Variants in PDZRN3 observed in about 807,000 individuals in gnomAD.
The protein encoded by PDZRN3 is PDZ domain containing ring finger 3.
In PDZRN3, 38 loss-of-function variants were observed where a neutral mutation model predicts 85.7. The ratio of observed to expected loss-of-function variants is 0.44; its 90% CI spans 0.34 to 0.58. PDZRN3 has a LOEUF of 0.58. PDZRN3 is among the 20% of genes least tolerant of loss of function. PDZRN3 has a pLI of 0.01. For synonymous variants in PDZRN3, 759 were observed against 638.0 expected, an observed-to-expected ratio of 1.19 and a Z score of -2.86; for missense variants, 1,629 against 1,506.4, an observed-to-expected ratio of 1.08 and a Z score of -1.35.
At chr3:73,408,079 G>A in intron 3 of PDZRN3, 1 of 682,514 alleles carries the variant, frequency 1.5e-6, no homozygotes, top group South Asian at 1.6e-5. Context: ...AATTTTAGTA[G>A]CCCATGCAGT....
intron 3 of PDZRN3, among the ~76,000 whole-genome samples, chr3:73,551,688 CAA>C (rs71126878): frequency 0.42 from 44,244 of 104,230 alleles, 7,445 homozygotes; most frequent in East Asian, 0.55. Context: ...GACCCTGTTT[CAA>C]AAAAAAAAAA....
intron 3 of PDZRN3, among the ~76,000 whole-genome samples, chr3:73,599,745 A>C: frequency 6.6e-6 from 1 of 152,336 alleles, no homozygotes; most frequent in Non-Finnish European, 1.5e-5. Context: ...CCTGTACGGC[A>C]AGGCCATTCA....
Position 73,468,018 on chromosome 3 carries a change from T to C in PDZRN3, c.919-63623A>G, listed in dbSNP as rs138108098. 3.1e-3 allele frequency among the ~76,000 whole-genome samples: 470 copies of C among 152,156 alleles called. 1 individual carries two copies. The highest frequency in any genetic ancestry group is 0.011 in the African/African-American group (455 of 41,510). On this transcript the variant is annotated intron_variant, in intron 3 of 9. Coordinates refer to ENST00000263666, the MANE Select transcript of PDZRN3 (RefSeq NM_015009.3). ...TTGCAAGATGAGAAAATCCTGGAGA[T>C]TGGTCACACAACAATGCAAATATAT...
At chr3:73,456,342 C>T (rs1702977399) in intron 3 of PDZRN3, among the ~76,000 whole-genome samples, 1 of 152,182 alleles carries the variant, frequency 6.6e-6, no homozygotes, top group Non-Finnish European at 1.5e-5. Context: ...ATCACAGGAG[C>T]TTTCATTTTA....
chr3:73,433,604 T>C (rs757725399), intron 3 of PDZRN3: 1 of 1,397,816 alleles, frequency 7.2e-7, no homozygotes, highest in South Asian at 1.2e-5. Flanking sequence ...GGTGGGTGCC[T>C]ATGCACTTCT....
rs1703283968 is a variant in PDZRN3 at position 73,383,172 on chromosome 3, TAGTA to T, written c.*189_*192del. The stretch of plus-strand genomic sequence containing the variant: ...TGTTTGTTAATATTGCCTTCCAAGA[TAGTA>T]AGGGTGTTTTTCTCTCTCTTCCCTT... On this transcript the variant is annotated 3_prime_UTR_variant, in exon 10 of 10. Transcript: ENST00000263666. The T allele has an allele frequency of 1.9e-6, 1 of 531,412 alleles. No homozygotes were observed. The highest frequency in any genetic ancestry group is 1.9e-5 in the African/African-American group (1 of 52,548). The allele number at this position is 531,412 out of a possible 1,614,324, so 32.9% of individuals were successfully genotyped here. A position where few individuals can be genotyped will look rare whatever the true frequency, so the allele number is the denominator to read the frequency against.
chr3:73,597,562 A>G (rs1226977623), intron 3 of PDZRN3, among the ~76,000 whole-genome samples: 3 of 152,080 alleles, frequency 2.0e-5, no homozygotes. Context: ...CAATCACTAC[A>G]CAGACTCATT....
At chr3:73,453,424 C>CAAAAA (rs372949149) in intron 3 of PDZRN3, among the ~76,000 whole-genome samples, 1 of 96,836 alleles carries the variant, frequency 1.0e-5, no homozygotes, top group African/African-American at 4.6e-5. Flanking sequence ...AAAAAAAAAA[C>CAAAAA]AAAAAAAAAA....
chr3:73,445,017 C>G (rs958194364), intron 3 of PDZRN3, among the ~76,000 whole-genome samples: 2 of 152,082 alleles, frequency 1.3e-5, no homozygotes, highest in African/African-American at 4.8e-5. Flanking sequence ...GGTGAAGAGG[C>G]CTGTGACTGG....
At chr3:73,559,800 T>G (rs1701778091) in intron 3 of PDZRN3, among the ~76,000 whole-genome samples, 1 of 152,256 alleles carries the variant, frequency 6.6e-6, no homozygotes, top group Non-Finnish European at 1.5e-5. Flanking sequence ...GGCTGGAATA[T>G]AGTTTCAATG....
intron 3 of PDZRN3, among the ~76,000 whole-genome samples, chr3:73,416,876 G>GTTTTTTTTTTTTTTTTTTTT (rs146381615): frequency 2.7e-5 from 3 of 110,404 alleles, no homozygotes; most frequent in Non-Finnish European, 3.6e-5. Flanking sequence ...TTTTTTTTTG[G>GTTTTTTTTTTTTTTTTTTTT]TTTTTTTTTT....
intron 3 of PDZRN3, among the ~76,000 whole-genome samples, chr3:73,439,188 C>A (rs1702586549): frequency 6.6e-6 from 1 of 152,198 alleles, no homozygotes; most frequent in Non-Finnish European, 1.5e-5. Flanking sequence ...ACTTCCTCCT[C>A]TGATGTTCCA....
intron 3 of PDZRN3, among the ~76,000 whole-genome samples, chr3:73,567,088 C>A (rs1173322269): frequency 6.6e-6 from 1 of 152,106 alleles, no homozygotes; most frequent in Non-Finnish European, 1.5e-5. Flanking sequence ...AAGAGAAAAA[C>A]CTAGTTGTTA....
intron 3 of PDZRN3, among the ~76,000 whole-genome samples, chr3:73,556,331 T>C (rs1482022461): frequency 2.0e-5 from 3 of 151,924 alleles, no homozygotes; most frequent in Admixed American, 6.6e-5. Flanking sequence ...ATAATTATAT[T>C]GAAATATAAT....
chr3:73,577,205 G>A (rs909073799), intron 3 of PDZRN3, among the ~76,000 whole-genome samples: 28 of 152,114 alleles, frequency 1.8e-4, no homozygotes, highest in African/African-American at 5.3e-4. Context: ...TTTTCAGAAC[G>A]ATGAATCTAA....
chr3:73,572,052 G>C (rs1317345013), intron 3 of PDZRN3, among the ~76,000 whole-genome samples: 1 of 152,138 alleles, frequency 6.6e-6, no homozygotes, highest in African/African-American at 2.4e-5. Context: ...TGCAAAAAAA[G>C]GTCTTAAAAA....
At chr3:73,434,050 G>A (rs1266027703) in intron 3 of PDZRN3, 1 of 716,910 alleles carries the variant, frequency 1.4e-6, no homozygotes, top group Non-Finnish European at 1.8e-6. Flanking sequence ...ATATTAATCA[G>A]CTCTCATTGA....
intron 3 of PDZRN3, among the ~76,000 whole-genome samples, chr3:73,476,606 T>G (rs1476080228): frequency 6.6e-6 from 1 of 152,238 alleles, no homozygotes; most frequent in Non-Finnish European, 1.5e-5. Context: ...TGGCTGCTAC[T>G]TTCATGGTTA....
chr3:73,409,585 A>C (rs868448222), intron 3 of PDZRN3, among the ~76,000 whole-genome samples: 8 of 152,216 alleles, frequency 5.3e-5, no homozygotes, highest in African/African-American at 1.9e-4. Context: ...AAGAAATGGA[A>C]AGATGAATGC....
Sources: gnomAD v4.1 joint callset for allele counts (sites outside exome capture counted in the v4.1 genomes callset) on GRCh38, gnomAD v4.1.1 for gene constraint, MANE v1.5 for transcripts, NCBI Gene and HGNC (gene_info 2026-07-23, HGNC 2026-07-21) for gene names.